ANK3: variants seen among roughly 807,000 people sequenced by gnomAD.
ANK3 encodes the protein ankyrin 3.
In ANK3, 57 loss-of-function variants were observed where a neutral mutation model predicts 370.9. That is an observed-to-expected ratio of 0.15 (90% CI 0.12 to 0.19). ANK3 has a LOEUF of 0.19. ANK3 is among the 10% of genes least tolerant of loss of function. The pLI is 1.00. For missense variants in ANK3, 4,439 were observed against 5,302.1 expected, an observed-to-expected ratio of 0.84 and a Z score of 5.06; for synonymous variants, 1,929 against 1,946.3, an observed-to-expected ratio of 0.99 and a Z score of 0.23.
Position 60,687,440 on chromosome 10 carries a change from CA to C in ANK3, c.57+45822del, listed in dbSNP as rs755171739. On this transcript the variant is annotated intron_variant, in intron 1 of 43. Coordinates refer to the ANK3 transcript ENST00000373827. ...GACACACAGATGGTCAACAGGCACACAAAAAAAATGCTCGACATCACTAATC... is the reference window on the plus strand; with the variant it reads ...GACACACAGATGGTCAACAGGCACACAAAAAAATGCTCGACATCACTAATC... Among the ~76,000 whole-genome samples, 5 of 151,480 alleles carry C rather than the reference CA, an allele frequency of 3.3e-5. No individual in the cohort carries two copies. The East Asian group carries it at 7.7e-4, about 23-fold the overall frequency.
chr10:60,059,523 T>C, intron 40 of ANK3, 93 bp from the exon 41 acceptor site: 2 of 1,279,288 alleles, frequency 1.6e-6, no homozygotes, highest in Non-Finnish European at 2.3e-6. Flanking sequence ...CTCTACTCCT[T>C]CTTCAAGTTG....
intron 2 of ANK3, among the ~76,000 whole-genome samples, chr10:60,397,216 AC>A (rs1283372992): frequency 6.6e-6 from 1 of 151,568 alleles, no homozygotes; most frequent in Non-Finnish European, 1.5e-5. Flanking sequence ...AAAAAAAAAA[AC>A]TAAACACTAC....
At chr10:60,375,919 G>A (rs1220721015) in intron 1 of ANK3, among the ~76,000 whole-genome samples, 1 of 152,200 alleles carries the variant, frequency 6.6e-6, no homozygotes, top group South Asian at 2.1e-4. Context: ...AGGGAATGAA[G>A]AAAGGAGTGG....
chr10:60,695,590 A>C (rs2133409642), intron 1 of ANK3, among the ~76,000 whole-genome samples: 1 of 152,372 alleles, frequency 6.6e-6, no homozygotes, highest in South Asian at 2.1e-4. Flanking sequence ...ACTCAGGATT[A>C]AGAATCTCAC....
intron 21 of ANK3, among the ~76,000 whole-genome samples, chr10:60,171,799 T>G (rs2095800585): frequency 6.6e-6 from 1 of 152,208 alleles, no homozygotes; most frequent in Admixed American, 6.5e-5. Context: ...AAAACTCCAA[T>G]AGGACAGAAG....
chr10:60,405,159 G>A (rs528737439), intron 2 of ANK3, among the ~76,000 whole-genome samples: 25 of 152,132 alleles, frequency 1.6e-4, no homozygotes, highest in African/African-American at 6.0e-4. Context: ...CTATAACCTA[G>A]CAATTCCACA....
upstream of ANK3, among the ~76,000 whole-genome samples, chr10:60,392,135 T>C (rs990124210): frequency 6.6e-6 from 1 of 152,178 alleles, no homozygotes; most frequent in Non-Finnish European, 1.5e-5. Context: ...CAAGTAACTC[T>C]CAAGCTCCTT....
At chr10:60,672,816 T>C (rs927289211) in intron 1 of ANK3, among the ~76,000 whole-genome samples, 7 of 152,156 alleles carry the variant, frequency 4.6e-5, no homozygotes, top group Admixed American at 1.3e-4. Context: ...TGTGAGACCT[T>C]GCACTTAACC....
At position 60,278,803 on chromosome 10, in the gene ANK3, T is replaced by A. The variant is rs753986742; in HGVS notation, c.385A>T (p.Asn129Tyr). Reference sequence around the variant, plus strand: ...GATTGTGCATTGACATTGGCTCCATTTGTAACCAAGACTTTTACCACCTCT... The same window carrying A: ...GATTGTGCATTGACATTGGCTCCATATGTAACCAAGACTTTTACCACCTCT... ...QAEVVKVLVT[N>Y]GANVNAQSQN... The change falls in exon 4 of 44, where the codon AAT becomes TAT. Residue 129 changes from asparagine to tyrosine, a missense_variant. By Grantham distance (143) the Asn-to-Tyr change is moderately radical. Transcript: ENST00000280772. 1 of 1,613,768 alleles carries A rather than the reference T, an allele frequency of 6.2e-7. No homozygotes were observed. Among genetic ancestry groups the A allele is most frequent in the African/African-American group, 1.3e-5 (1 of 74,902 alleles).
intron 2 of ANK3, among the ~76,000 whole-genome samples, chr10:60,585,117 C>T (rs1417880637): frequency 6.6e-6 from 1 of 152,176 alleles, no homozygotes. Context: ...GAAATTAGTA[C>T]CTTCAAGCGA....
chr10:60,572,584 T>C, intron 2 of ANK3: 1 of 1,526,478 alleles, frequency 6.6e-7, no homozygotes, highest in Non-Finnish European at 8.7e-7. Flanking sequence ...TATTCCAACA[T>C]CCAAAACCAC....
intron 10 of ANK3, among the ~76,000 whole-genome samples, chr10:60,206,159 A>G (rs2096758584): frequency 6.6e-6 from 1 of 152,130 alleles, no homozygotes; most frequent in Non-Finnish European, 1.5e-5. Flanking sequence ...TCATTATTTT[A>G]TTTTGGAATT....
chr10:60,084,235 T>C (rs1245625154), intron 32 of ANK3: 1 of 154,932 alleles, frequency 6.5e-6, no homozygotes, highest in African/African-American at 2.4e-5. Context: ...TGAAACCCCA[T>C]CTCTACTGAA....
intron 25 of ANK3, among the ~76,000 whole-genome samples, chr10:60,127,059 A>G (rs570268934): frequency 1.5e-4 from 23 of 152,334 alleles, no homozygotes; most frequent in African/African-American, 5.3e-4. Flanking sequence ...TCCAGCTCAA[A>G]TGATGGTAGG....
At chr10:60,153,011 AC>A (rs1830801245) in intron 23 of ANK3, among the ~76,000 whole-genome samples, 1 of 152,234 alleles carries the variant, frequency 6.6e-6, no homozygotes, top group Non-Finnish European at 1.5e-5. Context: ...GCATATGTGT[AC>A]CAGGAAACTT....
At chr10:60,682,699 A>G (rs561490746) in intron 1 of ANK3, among the ~76,000 whole-genome samples, 2 of 152,288 alleles carry the variant, frequency 1.3e-5, no homozygotes, top group East Asian at 3.9e-4. Flanking sequence ...ACAGAACTGT[A>G]TTGAGAGAGT....
At chr10:60,093,642 C>T (rs1258250850) in intron 28 of ANK3, among the ~76,000 whole-genome samples, 2 of 152,186 alleles carry the variant, frequency 1.3e-5, no homozygotes, top group African/African-American at 4.8e-5. Context: ...ACGATGACAG[C>T]ACTGAATTGA....
At chr10:60,283,822 A>C (rs2098202350) in intron 1 of ANK3, among the ~76,000 whole-genome samples, 1 of 152,170 alleles carries the variant, frequency 6.6e-6, no homozygotes, top group African/African-American at 2.4e-5. Flanking sequence ...CATACCTTTG[A>C]CTATAAGCTA....
chr10:60,075,203 G>A lies in ANK3; in HGVS notation c.5678C>T (p.Ser1893Phe). 2 of 1,614,184 alleles carry A rather than the reference G, an allele frequency of 1.2e-6. No homozygotes were observed. Among genetic ancestry groups the A allele is most frequent in the South Asian group, 1.1e-5 (1 of 91,072 alleles). The part of the protein sequence containing the change: ...APSALKLSTP[S>F]SLSSSQEILK... ...TATCTCCTGACTGGAAGATAAAGAA[G>A]ATGGTGTAGACAACTTAAGGGCAGA... Residue 1893 changes from serine to phenylalanine, a missense_variant, in exon 37 of 44, where the codon TCT becomes TTT. Coordinates refer to ENST00000280772, the MANE Select transcript of ANK3 (RefSeq NM_020987.5).
Sources: gnomAD v4.1 joint callset for allele counts (sites outside exome capture counted in the v4.1 genomes callset) on GRCh38, gnomAD v4.1.1 for gene constraint, MANE v1.5 for transcripts, NCBI Gene and HGNC (gene_info 2026-07-23, HGNC 2026-07-21) for gene names.